The following DAB1 variants were observed in gnomAD, a reference collection of about 807,000 sequenced individuals.
DAB1 encodes the protein DAB adaptor protein 1.
DAB1 carries 15 observed loss-of-function variants against 64.6 expected under a neutral mutation model. The observed-to-expected ratio is 0.23, with a 90% confidence interval of 0.16 to 0.36. DAB1 has a LOEUF of 0.36. Among genes scored for constraint, DAB1 ranks in the 10% least tolerant of loss-of-function variants. The pLI is 1.00. For synonymous variants in DAB1, 235 were observed against 251.9 expected, an observed-to-expected ratio of 0.93 and a Z score of 0.64; for missense variants, 596 against 706.7, an observed-to-expected ratio of 0.84 and a Z score of 1.78.
At chr1:57,978,016 T>C (rs1288322986) in intron 5 of DAB1, among the ~76,000 whole-genome samples, 2 of 151,978 alleles carry the variant, frequency 1.3e-5, no homozygotes, top group Non-Finnish European at 2.9e-5. Flanking sequence ...TTCAATGCCA[T>C]CCCCAACAAG....
intron 5 of DAB1, among the ~76,000 whole-genome samples, chr1:57,967,992 G>C (rs369782765): frequency 2.0e-5 from 3 of 152,122 alleles, no homozygotes; most frequent in African/African-American, 7.2e-5. Flanking sequence ...AAAACATAGC[G>C]CCGAACATGT....
At position 58,473,560 on chromosome 1, in the gene DAB1, ATAAAT is replaced by A. The variant is rs1557431470; in HGVS notation, n.257+32495_257+32499del. ...CCGTCTCAAAAAAATAAATAAATAA[ATAAAT>A]AAATAAATAAATAAATAAATAAATA... On this transcript the variant is annotated intron_variant and non_coding_transcript_variant, in intron 3 of 20. Coordinates refer to the DAB1 transcript ENST00000485760. Among the ~76,000 whole-genome samples the A allele has an allele frequency of 1.1e-3, 164 of 143,186 alleles. 1 individual carries two copies. Among genetic ancestry groups the A allele is most frequent in the African/African-American group, 1.8e-3 (70 of 38,714 alleles). The allele number at this position is 143,186 out of a possible 152,430, so 93.9% of individuals were successfully genotyped here.
chr1:58,101,220 G>A (rs1193385804), intron 5 of DAB1, among the ~76,000 whole-genome samples: 1 of 152,196 alleles, frequency 6.6e-6, no homozygotes, highest in Admixed American at 6.5e-5. Flanking sequence ...GGGAGGCTGA[G>A]GCAGGAGAAT....
chr1:57,875,593 T>C (rs1160426645), intron 1 of DAB1, among the ~76,000 whole-genome samples: 1 of 152,202 alleles, frequency 6.6e-6, no homozygotes, highest in Non-Finnish European at 1.5e-5. Context: ...TCATTAGACT[T>C]TAGATTCCTT....
At chr1:57,703,057 T>C (rs757848174) in intron 6 of DAB1, among the ~76,000 whole-genome samples, 1 of 152,248 alleles carries the variant, frequency 6.6e-6, no homozygotes, top group Admixed American at 6.5e-5. Flanking sequence ...ATTAAGAACT[T>C]AAATTTAAAA....
At chr1:57,445,309 A>G (rs577486204) in intron 7 of DAB1, among the ~76,000 whole-genome samples, 1 of 152,320 alleles carries the variant, frequency 6.6e-6, no homozygotes, top group Non-Finnish European at 1.5e-5. Flanking sequence ...AACTAGGTAA[A>G]TTCCTACTTT....
At chr1:57,880,204 G>C (rs771858354) in intron 1 of DAB1, 10 of 151,090 alleles carry the variant, frequency 6.6e-5, no homozygotes, top group Non-Finnish European at 1.2e-4. Flanking sequence ...CCTCTCTTTT[G>C]GTTGCCTGCT....
At chr1:57,341,476 G>C (rs1177055214) in intron 1 of DAB1, among the ~76,000 whole-genome samples, 1 of 152,126 alleles carries the variant, frequency 6.6e-6, no homozygotes, top group Admixed American at 6.5e-5. Flanking sequence ...AGGAATATCA[G>C]AAACTAATTT....
intron 1 of DAB1, among the ~76,000 whole-genome samples, chr1:57,389,728 G>A (rs978250785): frequency 6.6e-6 from 1 of 152,112 alleles, no homozygotes; most frequent in Non-Finnish European, 1.5e-5. Context: ...TATTTCCATA[G>A]TAATTATAAC....
chr1:58,056,192 G>A (rs781124720), intron 5 of DAB1: 3 of 1,534,542 alleles, frequency 2.0e-6, no homozygotes, highest in African/African-American at 1.4e-5. Context: ...CGGGATGGGG[G>A]TGTTCGGTCC....
chr1:58,456,241 G>A (rs1645191822), intron 3 of DAB1, among the ~76,000 whole-genome samples: 4 of 152,248 alleles, frequency 2.6e-5, no homozygotes, highest in African/African-American at 2.4e-5. Flanking sequence ...ATACACATAG[G>A]AGAGAACTGA....
At chr1:57,108,689 C>T (rs1016878906) in intron 4 of DAB1, among the ~76,000 whole-genome samples, 3 of 152,160 alleles carry the variant, frequency 2.0e-5, no homozygotes, top group Non-Finnish European at 4.4e-5. Flanking sequence ...AGAGAGTGGA[C>T]TGTGGAGTGA....
At chr1:57,997,793 C>T (rs1055907092) in intron 5 of DAB1, among the ~76,000 whole-genome samples, 3 of 151,910 alleles carry the variant, frequency 2.0e-5, no homozygotes, top group Non-Finnish European at 4.4e-5. Context: ...ATAACAACCT[C>T]GTTGCTGCTG....
At chr1:57,507,904 C>T (rs1644363693) in intron 7 of DAB1, among the ~76,000 whole-genome samples, 1 of 152,158 alleles carries the variant, frequency 6.6e-6, no homozygotes, top group Non-Finnish European at 1.5e-5. Context: ...TAAATTTCTA[C>T]CACAATGATT....
chr1:57,408,539 G>C (rs1397885601), intron 1 of DAB1, among the ~76,000 whole-genome samples: 1 of 152,120 alleles, frequency 6.6e-6, no homozygotes, highest in Non-Finnish European at 1.5e-5. Flanking sequence ...TGGAATTGCA[G>C]AAAAGGGACT....
chr1:57,309,293 C>A (rs1318933589), intron 1 of DAB1, among the ~76,000 whole-genome samples: 4 of 152,180 alleles, frequency 2.6e-5, no homozygotes, highest in African/African-American at 9.7e-5. Flanking sequence ...ACTTCTGAGA[C>A]CACTGTGGTC....
intron 6 of DAB1, among the ~76,000 whole-genome samples, chr1:57,750,891 C>T (rs1226120459): frequency 2.0e-5 from 3 of 152,148 alleles, no homozygotes; most frequent in Non-Finnish European, 2.9e-5. Flanking sequence ...CAGTTCTAGC[C>T]ACACGAACTC....
At chr1:58,250,181 C>T (rs998461675) in intron 4 of DAB1, among the ~76,000 whole-genome samples, 1 of 152,204 alleles carries the variant, frequency 6.6e-6, no homozygotes, top group African/African-American at 2.4e-5. Flanking sequence ...GCCCCTACCC[C>T]GGCGCGCCCA....
chr1:57,040,358 G>A (rs1449283747), intron 9 of DAB1, among the ~76,000 whole-genome samples: 1 of 152,082 alleles, frequency 6.6e-6, no homozygotes. Context: ...TAGCCAAGAT[G>A]GGGCCAGGGA....
Sources: gnomAD v4.1 joint callset for allele counts (sites outside exome capture counted in the v4.1 genomes callset) on GRCh38, gnomAD v4.1.1 for gene constraint, MANE v1.5 for transcripts, NCBI Gene and HGNC (gene_info 2026-07-23, HGNC 2026-07-21) for gene names.